Variants in ARHGAP24 observed in about 807,000 individuals in gnomAD.
ARHGAP24 encodes rho GTPase-activating protein 24.
ARHGAP24 carries 50 observed loss-of-function variants against 76.4 expected under a neutral mutation model. The observed-to-expected ratio is 0.65, with a 90% CI of 0.52 to 0.83. The LOEUF (loss-of-function observed/expected upper bound fraction) is 0.83. Among genes scored for constraint, ARHGAP24 ranks in the 40% least tolerant of loss-of-function variants. The pLI, the probability that ARHGAP24 is intolerant of heterozygous loss-of-function variation, is 0.00. For missense variants in ARHGAP24, 930 were observed against 914.2 expected, an observed-to-expected ratio of 1.02 and a Z score of -0.22; for synonymous variants, 345 against 323.3, an observed-to-expected ratio of 1.07 and a Z score of -0.72.
At chr4:85,725,759 C>T (rs1311701317) in intron 3 of ARHGAP24, among the ~76,000 whole-genome samples, 1 of 152,240 alleles carries the variant, frequency 6.6e-6, no homozygotes, top group Non-Finnish European at 1.5e-5. Context: ...AGGCCAGCTG[C>T]TTGCTTTGTG....
At chr4:85,548,424 C>A (rs1349375062) in intron 1 of ARHGAP24, among the ~76,000 whole-genome samples, 1 of 152,138 alleles carries the variant, frequency 6.6e-6, no homozygotes, top group African/African-American at 2.4e-5. Context: ...CGATGAAAAA[C>A]CATGAGTTCA....
intron 3 of ARHGAP24, among the ~76,000 whole-genome samples, chr4:85,742,707 T>C (rs1246472225): frequency 6.6e-6 from 1 of 152,184 alleles, no homozygotes; most frequent in Non-Finnish European, 1.5e-5. Context: ...CCAAAGTATG[T>C]GCTGTTATTT....
intron 3 of ARHGAP24, among the ~76,000 whole-genome samples, chr4:85,828,221 CTTGGATTCT>C (rs1729814808): frequency 6.6e-6 from 1 of 152,168 alleles, no homozygotes. Flanking sequence ...TGCAGTGTTT[CTTGGATTCT>C]TTCGTTAATC....
intron 2 of ARHGAP24, among the ~76,000 whole-genome samples, chr4:85,638,784 C>G (rs893771854): frequency 6.6e-6 from 1 of 152,078 alleles, no homozygotes; most frequent in African/African-American, 2.4e-5. Flanking sequence ...TACTGAACAC[C>G]CTGTTCTTCA....
At chr4:85,604,964 A>G (rs911795310) in intron 2 of ARHGAP24, among the ~76,000 whole-genome samples, 1 of 152,256 alleles carries the variant, frequency 6.6e-6, no homozygotes, top group African/African-American at 2.4e-5. Context: ...TTGGCCTCCC[A>G]AAGTGCTGGG....
intron 3 of ARHGAP24, among the ~76,000 whole-genome samples, chr4:85,883,894 T>A (rs187525205): frequency 3.9e-5 from 6 of 152,246 alleles, no homozygotes; most frequent in African/African-American, 1.4e-4. Flanking sequence ...TTCATGCATG[T>A]TTAAGGAAAA....
intron 3 of ARHGAP24, among the ~76,000 whole-genome samples, chr4:85,859,395 A>G (rs1036450844): frequency 2.0e-5 from 3 of 152,160 alleles, no homozygotes; most frequent in African/African-American, 7.2e-5. Context: ...AATTTACTTA[A>G]ATAATGTTCA....
intron 1 of ARHGAP24, among the ~76,000 whole-genome samples, chr4:85,506,811 C>G (rs1184432674): frequency 6.6e-6 from 1 of 152,184 alleles, no homozygotes. Flanking sequence ...ATGAAGAAAT[C>G]ACCCGTCTTC....
intron 5 of ARHGAP24, among the ~76,000 whole-genome samples, chr4:85,948,737 G>A (rs1737427709): frequency 6.6e-6 from 1 of 152,162 alleles, no homozygotes; most frequent in African/African-American, 2.4e-5. Context: ...ACTCTGTGAG[G>A]TGCTGGGTCT....
chr4:85,780,897 G>T (rs1339546232), intron 3 of ARHGAP24, among the ~76,000 whole-genome samples: 1 of 152,166 alleles, frequency 6.6e-6, no homozygotes, highest in Admixed American at 6.5e-5. Context: ...AGTGTGGTTT[G>T]TTCTTTTTAT....
intron 2 of ARHGAP24, among the ~76,000 whole-genome samples, chr4:85,684,166 A>G (rs111772060): frequency 0.016 from 2,446 of 152,302 alleles, 75 homozygotes; most frequent in African/African-American, 0.056. Flanking sequence ...ATTTTTCAAG[A>G]AAGCTAAAAA....
At chr4:85,783,626 T>G (rs929908520) in intron 3 of ARHGAP24, among the ~76,000 whole-genome samples, 6 of 152,174 alleles carry the variant, frequency 3.9e-5, no homozygotes, top group Non-Finnish European at 8.8e-5. Context: ...AATTTCCTTC[T>G]GTCTGAGTAA....
chr4:85,984,978 C>T (rs1001511173), intron 8 of ARHGAP24, among the ~76,000 whole-genome samples: 11 of 152,018 alleles, frequency 7.2e-5, no homozygotes, highest in Admixed American at 1.3e-4. Flanking sequence ...CCTGCGACCA[C>T]ACCCAGCTAA....
intron 4 of ARHGAP24, among the ~76,000 whole-genome samples, chr4:85,939,169 A>G (rs1736816019): frequency 6.6e-6 from 1 of 152,342 alleles, no homozygotes; most frequent in African/African-American, 2.4e-5. Flanking sequence ...TAAATGTGAG[A>G]AATGCAGGTA....
chr4:85,649,637 G>A (rs1321379974), intron 2 of ARHGAP24, among the ~76,000 whole-genome samples: 1 of 152,140 alleles, frequency 6.6e-6, no homozygotes. Context: ...AGAGTTGGCT[G>A]TTGAGATTTA....
At chr4:85,951,830 C>A (rs1469551517) in intron 5 of ARHGAP24, among the ~76,000 whole-genome samples, 1 of 152,114 alleles carries the variant, frequency 6.6e-6, no homozygotes, top group Non-Finnish European at 1.5e-5. Flanking sequence ...TCTGCAAAGA[C>A]AATCTCTAGT....
At chr4:85,901,507 T>C (rs1018866243) in intron 3 of ARHGAP24, among the ~76,000 whole-genome samples, 1 of 152,198 alleles carries the variant, frequency 6.6e-6, no homozygotes, top group Non-Finnish European at 1.5e-5. Context: ...CATGATATTT[T>C]AGAATCTTAA....
chr4:85,940,102 G>A (rs1736873103), intron 4 of ARHGAP24, among the ~76,000 whole-genome samples: 1 of 152,106 alleles, frequency 6.6e-6, no homozygotes, highest in South Asian at 2.1e-4. Context: ...TAACCAGTTT[G>A]TAAACCTTAT....
At chr4:85,912,591 G>A (rs1735150762) in intron 3 of ARHGAP24, among the ~76,000 whole-genome samples, 1 of 152,068 alleles carries the variant, frequency 6.6e-6, no homozygotes, top group Admixed American at 6.6e-5. Flanking sequence ...CTTCTTTTGT[G>A]TATACCCAAA....
Sources: gnomAD v4.1 joint callset for allele counts (sites outside exome capture counted in the v4.1 genomes callset) on GRCh38, gnomAD v4.1.1 for gene constraint, MANE v1.5 for transcripts, NCBI Gene and HGNC (gene_info 2026-07-23, HGNC 2026-07-21) for gene names.